The following DNER variants were observed in gnomAD, a reference collection of about 807,000 sequenced individuals.
DNER encodes the protein delta and Notch-like epidermal growth factor-related receptor.
A neutral mutation model predicts 78.2 loss-of-function variants in DNER; 33 were observed. That is an observed-to-expected ratio of 0.42 (90% CI 0.32 to 0.56). The LOEUF is 0.56. Among genes scored for constraint, DNER ranks in the 20% least tolerant of loss-of-function variants. The pLI is 0.11. For missense variants in DNER, 918 were observed against 975.3 expected, an observed-to-expected ratio of 0.94 and a Z score of 0.78; for synonymous variants, 417 against 384.8, an observed-to-expected ratio of 1.08 and a Z score of -0.98.
At chr2:229,710,043 AT>A (rs939674791) in intron 1 of DNER, among the ~76,000 whole-genome samples, 4 of 152,100 alleles carry the variant, frequency 2.6e-5, no homozygotes, top group Admixed American at 6.5e-5. Context: ...TATCAGAAAC[AT>A]TTTTTTTATG....
chr2:229,474,256 C>T (rs1388282969), intron 7 of DNER, among the ~76,000 whole-genome samples: 4 of 152,044 alleles, frequency 2.6e-5, no homozygotes, highest in East Asian at 1.9e-4. Flanking sequence ...GAGTTACTGC[C>T]GACACACAAA....
rs77648616 is a variant in DNER at position 229,446,199 on chromosome 2, G to A, written c.1486+1117C>T. ...AAAAGACCAGAGATGTGAAGCACCC[G>A]GCTCAGAATCTAGAAAGATCAGTGC... On this transcript the variant is annotated intron_variant, in intron 8 of 12. Transcript: ENST00000341772. Among the ~76,000 whole-genome samples the A allele has an allele frequency of 7.2e-3, 1,096 of 152,288 alleles. 12 individuals are homozygous for A. The highest frequency in any genetic ancestry group is 0.025 in the African/African-American group (1,049 of 41,540).
At chr2:229,665,922 C>T (rs1321445306) in intron 1 of DNER, among the ~76,000 whole-genome samples, 1 of 152,160 alleles carries the variant, frequency 6.6e-6, no homozygotes, top group Non-Finnish European at 1.5e-5. Flanking sequence ...CTAATCTCAA[C>T]TCAATTCCAA....
At position 229,587,008 on chromosome 2, in the gene DNER, G is replaced by A. The variant is rs141240537; in HGVS notation, c.681-984C>T. On this transcript the variant is annotated intron_variant, in intron 3 of 12. Coordinates refer to ENST00000341772, the MANE Select transcript of DNER (RefSeq NM_139072.4). ...GGCACTCCCATCTCACTTCGTCTGA[G>A]TCAGACTCTGCTAATTCGGTCCCGT... 5 of 985,270 alleles carry A rather than the reference G, an allele frequency of 5.1e-6. No individual in the cohort carries two copies. In the African/African-American group the frequency reaches 7.0e-5, roughly 14 times the overall value. 61.0% of individuals were successfully genotyped at this position (985,270 alleles called of 1,614,324 possible).
chr2:229,589,850 G>A (rs992276079), intron 2 of DNER, among the ~76,000 whole-genome samples: 24 of 149,922 alleles, frequency 1.6e-4, no homozygotes, highest in African/African-American at 5.9e-4. Flanking sequence ...AGTTTTTTAG[G>A]TAAGCTAAAA....
At chr2:229,647,106 G>T (rs1377483835) in intron 1 of DNER, among the ~76,000 whole-genome samples, 1 of 152,210 alleles carries the variant, frequency 6.6e-6, no homozygotes, top group Non-Finnish European at 1.5e-5. Flanking sequence ...GGAGGAGGTT[G>T]CAGTGAGCCA....
At chr2:229,583,995 C>T (rs2154214391) in intron 4 of DNER, among the ~76,000 whole-genome samples, 1 of 152,308 alleles carries the variant, frequency 6.6e-6, no homozygotes, top group Admixed American at 6.5e-5. Flanking sequence ...AAGAACTTCT[C>T]ATCAGAAGAG....
chr2:229,665,534 T>C (rs1255695494), intron 1 of DNER, among the ~76,000 whole-genome samples: 1 of 152,190 alleles, frequency 6.6e-6, no homozygotes, highest in Non-Finnish European at 1.5e-5. Context: ...TATGAGGAGA[T>C]AGAGTCAACA....
chr2:229,581,851 A>C (rs1559173068), intron 4 of DNER, among the ~76,000 whole-genome samples: 1 of 152,140 alleles, frequency 6.6e-6, no homozygotes, highest in Non-Finnish European at 1.5e-5. Flanking sequence ...AGAAACAGGA[A>C]AATACCTTTG....
chr2:229,444,881 A>G (rs544329503), intron 8 of DNER, among the ~76,000 whole-genome samples: 21 of 152,318 alleles, frequency 1.4e-4, no homozygotes, highest in Non-Finnish European at 2.5e-4. Context: ...TAAAAAAGAA[A>G]AAGTTTGATA....
At chr2:229,430,933 T>C (rs1282810205) in intron 8 of DNER, among the ~76,000 whole-genome samples, 1 of 152,012 alleles carries the variant, frequency 6.6e-6, no homozygotes, top group Non-Finnish European at 1.5e-5. Flanking sequence ...TCCTATAGTC[T>C]ATAAAGGGAA....
chr2:229,540,555 C>G (rs10490183), intron 5 of DNER, among the ~76,000 whole-genome samples: 5,516 of 152,258 alleles, frequency 0.036, 153 homozygotes, highest in Middle Eastern at 0.099. Context: ...AGAACAAGGA[C>G]AGTGGGTATT....
At chr2:229,614,194 A>T (rs1050336077) in intron 1 of DNER, among the ~76,000 whole-genome samples, 27 of 151,738 alleles carry the variant, frequency 1.8e-4, no homozygotes, top group East Asian at 3.9e-4. Context: ...TAAAAAATTT[A>T]AAAAAATAAT....
At chr2:229,427,470 G>A (rs967826857) in intron 8 of DNER, among the ~76,000 whole-genome samples, 5 of 152,172 alleles carry the variant, frequency 3.3e-5, no homozygotes, top group African/African-American at 9.7e-5. Context: ...TTACTGGGGC[G>A]CTTATGAGGG....
intron 6 of DNER, among the ~76,000 whole-genome samples, chr2:229,501,433 A>G (rs759860021): frequency 2.9e-5 from 4 of 139,488 alleles, no homozygotes; most frequent in Non-Finnish European, 6.7e-5. Context: ...ACCCATAACT[A>G]AAAAAAAAAT....
intron 3 of DNER, among the ~76,000 whole-genome samples, chr2:229,586,480 C>T (rs1415770150): frequency 1.3e-4 from 11 of 86,676 alleles, no homozygotes; most frequent in African/African-American, 4.8e-4. Context: ...CCTCCCAATG[C>T]TTCAGGCCTC....
intron 1 of DNER, among the ~76,000 whole-genome samples, chr2:229,655,120 G>A (rs779074365): frequency 6.6e-6 from 1 of 151,966 alleles, no homozygotes; most frequent in Non-Finnish European, 1.5e-5. Flanking sequence ...ATAAGGCCGT[G>A]GTACTCAGTG....
At chr2:229,537,291 A>G (rs756908750) in intron 5 of DNER, among the ~76,000 whole-genome samples, 4 of 152,212 alleles carry the variant, frequency 2.6e-5, no homozygotes, top group Non-Finnish European at 4.4e-5. Context: ...AGTGAACATT[A>G]AAACTTTGCA....
intron 1 of DNER, among the ~76,000 whole-genome samples, chr2:229,638,196 T>G (rs1231225301): frequency 6.6e-6 from 1 of 152,222 alleles, no homozygotes; most frequent in South Asian, 2.1e-4. Flanking sequence ...TTATAGAGAT[T>G]GAAAAAATAT....
Sources: allele counts gnomAD v4.1 joint callset (sites outside exome capture counted in the v4.1 genomes callset), GRCh38; gene constraint gnomAD v4.1.1; transcripts MANE v1.5; gene names NCBI Gene and HGNC (gene_info 2026-07-23, HGNC 2026-07-21).